TNRC18: variants seen among roughly 807,000 people sequenced by gnomAD.
TNRC18 encodes trinucleotide repeat-containing gene 18 protein.
In TNRC18, 69 loss-of-function variants were observed where a neutral mutation model predicts 226.7. The ratio of observed to expected loss-of-function variants is 0.30; its 90% CI spans 0.25 to 0.37. The LOEUF is 0.37. Ranked by LOEUF, TNRC18 falls within the 10% of genes least tolerant of loss-of-function variation. The pLI is 1.00. For missense variants in TNRC18, 4,754 were observed against 4,256.6 expected (o/e 1.12, Z -3.25); for synonymous variants, 2,449 against 1,927.6 (o/e 1.27, Z -7.09).
At chr7:5,402,782 A>T (rs1393790355) in intron 2 of TNRC18, among the ~76,000 whole-genome samples, 1 of 151,976 alleles carries the variant, frequency 6.6e-6, no homozygotes, top group East Asian at 1.9e-4. Context: ...TGAACCCAGG[A>T]GACAGAAGTT....
intron 5 of TNRC18, among the ~76,000 whole-genome samples, chr7:5,380,000 C>T (rs1562583004): frequency 1.3e-5 from 2 of 152,208 alleles, no homozygotes; most frequent in South Asian, 4.1e-4. Flanking sequence ...AGAAACTATC[C>T]TTCTGCTGGA....
At position 5,324,451 on chromosome 7, in the gene TNRC18, C is replaced by G; in HGVS notation, c.6301-96G>C. On this transcript the variant is annotated intron_variant, in intron 20 of 29. Transcript: ENST00000430969. This position sits in a 1 kb window ranked among gnomAD's most constrained non-coding sequence, Gnocchi z 4.8. ...CTGGAAACCTGGAGCCACAGTCAGG[C>G]CGCAGGGGGAATCTGTCATGTGCAT... 1 of 1,498,404 alleles carries G rather than the reference C, an allele frequency of 6.7e-7. No individual in the cohort carries two copies. The highest frequency in any genetic ancestry group is 1.4e-5 in the African/African-American group (1 of 72,908). The allele number at this position is 1,498,404 out of a possible 1,614,324, so 92.8% of individuals were successfully genotyped here.
At chr7:5,402,726 C>CGCCTATA (rs1275060365) in intron 2 of TNRC18, among the ~76,000 whole-genome samples, 1 of 151,086 alleles carries the variant, frequency 6.6e-6, no homozygotes, top group East Asian at 2.0e-4. Context: ...TGGTGGTGGA[C>CGCCTATA]GCCTATAATC....
At chr7:5,345,953 C>A (rs1791145169) in intron 17 of TNRC18, 143 bp from the exon 18 acceptor site, 2 of 1,265,194 alleles carry the variant, frequency 1.6e-6, no homozygotes, top group Admixed American at 2.9e-5. Context: ...TGGATGCAGA[C>A]CCAGCCCACG....
At chr7:5,397,192 C>T (rs1305469312) in intron 2 of TNRC18, among the ~76,000 whole-genome samples, 2 of 152,176 alleles carry the variant, frequency 1.3e-5, no homozygotes, top group Non-Finnish European at 2.9e-5. Flanking sequence ...CGGCCCAAGC[C>T]GGGGCAGCAG....
In TNRC18 at chr7:5,377,324, C is replaced by CCCCCCCCCCCCCCAAAAATGGGGGGGG; in HGVS notation, c.2461+46_2461+47insCCCCCCCCATTTTTGGGGGGGGGGGGG. On this transcript the variant is annotated intron_variant, in intron 7 of 29. Transcript: ENST00000430969. The surrounding 1 kb of genome is among the most constrained non-coding windows in gnomAD (Gnocchi z 5.8). ...GCTCTTGTCCTGCACCCGCCCCCTC[C>CCCCCCCCCCCCCCAAAAATGGGGGGGG]CACCCCTCCCTCAGAGAAGGGGAGA... is the stretch of plus-strand genomic sequence containing the variant. 9.2e-7 allele frequency: 1 copy of CCCCCCCCCCCCCCAAAAATGGGGGGGG among 1,087,808 alleles called. No homozygotes were observed. The highest frequency in any genetic ancestry group is 1.3e-6 in the Non-Finnish European group (1 of 756,760). The allele number at this position is 1,087,808 out of a possible 1,614,324, so 67.4% of individuals were successfully genotyped here. A position where few individuals can be genotyped will look rare whatever the true frequency, so the allele number is the denominator to read the frequency against.
Position 5,374,134 on chromosome 7 carries a change from C to A in TNRC18, c.3150G>T (p.Glu1050Asp). Residue 1050 changes from glutamate to aspartate, a missense_variant, in exon 10 of 30, where the codon GAG (glutamate) becomes GAT (aspartate). Coordinates refer to ENST00000430969, the MANE Select transcript of TNRC18 (RefSeq NM_001080495.3). ...TCTTCTCGACCACATTCTCGGGAGC[C>A]TCCTCCTTGCGGGTGATACCCGGGG... ...PPTPGITRKE[E>D]APENVVEKKD... is the part of the protein sequence containing the mutation. The A allele has an allele frequency of 1.1e-5, 17 of 1,560,854 alleles. No individual in the cohort carries two copies. Among genetic ancestry groups the A allele is most frequent in the Middle Eastern group, 2.3e-4 (1 of 4,256 alleles).
chr7:5,364,248 A>C (rs1793380258), intron 11 of TNRC18, among the ~76,000 whole-genome samples: 1 of 152,096 alleles, frequency 6.6e-6, no homozygotes, highest in Admixed American at 6.6e-5. Context: ...CAGTGAGCTG[A>C]GATTGAGCCA....
rs1443009947 is a variant in TNRC18, at chr7:5,309,523, A to G, written c.8389-155T>C. Among the ~76,000 whole-genome samples the G allele has an allele frequency of 6.6e-6, 1 of 152,244 alleles. No individual in the cohort carries two copies. The highest frequency in any genetic ancestry group is 1.5e-5 in the Non-Finnish European group (1 of 68,038). The stretch of plus-strand genomic sequence containing the variant: ...TGAGGAAGCTCCTTGTCTCGCTTCA[A>G]GTGGGGAAGCCCCTCTTCCATCTCT... On this transcript the variant is annotated intron_variant, in intron 27 of 29. Coordinates refer to ENST00000430969, the MANE Select transcript of TNRC18 (RefSeq NM_001080495.3). This position sits in a 1 kb window ranked among gnomAD's most constrained non-coding sequence, Gnocchi z 5.7.
intron 18 of TNRC18, among the ~76,000 whole-genome samples, chr7:5,340,553 A>G (rs1011192550): frequency 6.9e-6 from 1 of 144,892 alleles, no homozygotes; most frequent in Non-Finnish European, 1.5e-5. Context: ...CCTGGCCAAC[A>G]TGGTGAAACC....
intron 2 of TNRC18, chr7:5,419,900 A>G (rs1404158061): frequency 1.3e-5 from 2 of 154,006 alleles, no homozygotes; most frequent in African/African-American, 4.8e-5. Context: ...GCAGCTCCTG[A>G]GAGACCCCAA....
chr7:5,391,115 C>G (rs1780265720), intron 3 of TNRC18, among the ~76,000 whole-genome samples: 1 of 152,114 alleles, frequency 6.6e-6, no homozygotes, highest in African/African-American at 2.4e-5. Context: ...CAGGCCCTTT[C>G]TCTGCTGTGT....
chr7:5,385,825 T>C (rs1442670640), intron 5 of TNRC18, among the ~76,000 whole-genome samples: 2 of 131,874 alleles, frequency 1.5e-5, no homozygotes, highest in Non-Finnish European at 3.2e-5. Flanking sequence ...GAAAAACAAA[T>C]ACAAAAAAAT....
intron 15 of TNRC18, among the ~76,000 whole-genome samples, chr7:5,358,817 A>G (rs899742803): frequency 1.9e-4 from 24 of 124,650 alleles, no homozygotes; most frequent in Non-Finnish European, 3.3e-4. Flanking sequence ...GTCTCAAAAA[A>G]ACAAACAAAC....
intron 17 of TNRC18, among the ~76,000 whole-genome samples, chr7:5,346,269 G>C (rs1295901163): frequency 6.6e-6 from 1 of 152,208 alleles, no homozygotes; most frequent in Non-Finnish European, 1.5e-5. Context: ...CTGGGCACAG[G>C]TGCCTGTGGC....
At chr7:5,335,379 T>A (rs188644917) in intron 18 of TNRC18, among the ~76,000 whole-genome samples, 2 of 148,386 alleles carry the variant, frequency 1.3e-5, no homozygotes, top group Non-Finnish European at 3.0e-5. Flanking sequence ...GGAGGCCAAT[T>A]TGGGCAGATC....
intron 5 of TNRC18, among the ~76,000 whole-genome samples, chr7:5,385,151 G>A (rs566186712): frequency 6.6e-6 from 1 of 152,366 alleles, no homozygotes; most frequent in South Asian, 2.1e-4. Flanking sequence ...TCCAGCACCA[G>A]ATACCCAGGA....
In TNRC18 at chr7:5,313,382, G is replaced by C. The variant is rs752863644; in HGVS notation, c.7509C>G (p.Ser2503Arg). The C allele has an allele frequency of 1.3e-6, 2 of 1,588,022 alleles. No homozygotes were observed. The highest frequency in any genetic ancestry group is 8.6e-7 in the Non-Finnish European group (1 of 1,168,656). Reference sequence around the variant, plus strand: ...CGCTGCTGCCGGCCGCGGGGGGATAGCTGCCCAGGCTCAGGAGGCTCTTGG... The same window carrying C: ...CGCTGCTGCCGGCCGCGGGGGGATACCTGCCCAGGCTCAGGAGGCTCTTGG... Reference protein sequence around the residue: ...QEPKSLLSLGSYPPAAGSSEP... With the variant: ...QEPKSLLSLGRYPPAAGSSEP... Residue 2503 changes from serine (S) to arginine (R), a missense_variant, in exon 27 of 30, where the codon AGC (serine) becomes AGG (arginine). Transcript: ENST00000430969.
In TNRC18 at chr7:5,329,646, G is replaced by A. The variant is rs1451511156; in HGVS notation, c.6147+2976C>T. On this transcript the variant is annotated intron_variant, in intron 19 of 29. Transcript: ENST00000430969. ...TGCAGTGAGCCGAGTTTGTGCCACT[G>A]CACTTCAGCCTGGGCGACACAGTGA... Among the ~76,000 whole-genome samples, 3 of 115,914 alleles carry A rather than the reference G, an allele frequency of 2.6e-5. No homozygotes were observed. In the East Asian group the frequency reaches 9.2e-4, roughly 36 times the overall value. 76.0% of individuals were successfully genotyped at this position (115,914 alleles called of 152,430 possible).
Sources: allele counts gnomAD v4.1 joint callset (sites outside exome capture counted in the v4.1 genomes callset), GRCh38; gene constraint gnomAD v4.1.1; non-coding constraint Gnocchi (gnomAD v3.1); transcripts MANE v1.5; gene names NCBI Gene and HGNC (gene_info 2026-07-23, HGNC 2026-07-21).